Variants in RORA observed in about 807,000 individuals in gnomAD.
The protein encoded by RORA is nuclear receptor ROR-alpha.
A neutral mutation model predicts 69.5 loss-of-function variants in RORA; 7 were observed. The ratio of observed to expected loss-of-function variants is 0.10; its 90% CI spans 0.06 to 0.19. The LOEUF (loss-of-function observed/expected upper bound fraction) is 0.19, where lower values mean the gene tolerates loss of function less well. Among genes scored for constraint, RORA ranks in the 10% least tolerant of loss-of-function variants. RORA has a pLI of 1.00. For missense variants in RORA, 457 were observed against 663.0 expected (o/e 0.69, Z 3.41); for synonymous variants, 261 against 240.8 (o/e 1.08, Z -0.78).
chr15:60,548,233 A>C (rs907512251), intron 2 of RORA, among the ~76,000 whole-genome samples: 7 of 152,244 alleles, frequency 4.6e-5, no homozygotes, highest in Non-Finnish European at 8.8e-5. Flanking sequence ...CAGTAAAAGA[A>C]GACGACTTGA....
chr15:60,672,561 A>C (rs962261880), intron 2 of RORA, among the ~76,000 whole-genome samples: 1 of 152,208 alleles, frequency 6.6e-6, no homozygotes, highest in Non-Finnish European at 1.5e-5. Flanking sequence ...TTGATACTGG[A>C]GATAACGGTG....
rs148264753 is a variant in RORA at position 60,842,442 on chromosome 15, C to T, written c.167-163756G>A. Among the ~76,000 whole-genome samples the T allele has an allele frequency of 8.2e-4, 125 of 152,310 alleles. 1 individual carries two copies. The highest frequency in any genetic ancestry group is 3.1e-3 in the Admixed American group (47 of 15,304). On this transcript the variant is annotated intron_variant, in intron 1 of 10. Coordinates refer to ENST00000335670, the MANE Select transcript of RORA (RefSeq NM_134261.3). ...GCTACCATTTATGATTTATGGGCCA[C>T]TTAGTACACATCAGATACAGCGTTA...
In RORA at chr15:61,061,011, C is replaced by T. The variant is rs531755357; in HGVS notation, c.166+168042G>A. Among the ~76,000 whole-genome samples, 24 of 152,178 alleles carry T rather than the reference C, an allele frequency of 1.6e-4. No individual in the cohort carries two copies. Among genetic ancestry groups the T allele is most frequent in the African/African-American group, 5.1e-4 (21 of 41,432 alleles). ...AAAGCAGGTATCCTCAAAGTCCTCA[C>T]GGCTGAAGAAGGAGCTGCTGTTCTT... On this transcript the variant is annotated intron_variant, in intron 1 of 10. Coordinates refer to ENST00000335670, the MANE Select transcript of RORA (RefSeq NM_134261.3). The surrounding 1 kb of genome is among the most constrained non-coding windows in gnomAD (Gnocchi z 4.4).
intron 1 of RORA, among the ~76,000 whole-genome samples, chr15:61,024,744 C>G (rs1895715294): frequency 6.6e-6 from 1 of 152,070 alleles, no homozygotes; most frequent in African/African-American, 2.4e-5. Flanking sequence ...GCCACTGCAC[C>G]TGGTCCTGGC....
intron 1 of RORA, among the ~76,000 whole-genome samples, chr15:60,739,587 T>G (rs1460240615): frequency 1.3e-5 from 2 of 152,138 alleles, no homozygotes; most frequent in African/African-American, 4.8e-5. Context: ...AAAAAAGTTT[T>G]TTTTAAAGGA....
chr15:60,873,265 G>A (rs934093404), intron 1 of RORA, among the ~76,000 whole-genome samples: 1 of 150,564 alleles, frequency 6.6e-6, no homozygotes, highest in Non-Finnish European at 1.5e-5. Context: ...GTGTGTGTCT[G>A]TGTGTGTGTG....
chr15:60,801,351 G>A (rs1264029726), intron 1 of RORA, among the ~76,000 whole-genome samples: 1 of 152,156 alleles, frequency 6.6e-6, no homozygotes, highest in Non-Finnish European at 1.5e-5. Flanking sequence ...TATTATATAA[G>A]GAACGAATGC....
rs58929509 is a variant in RORA at position 60,859,380 on chromosome 15, C to CTGGGACCT, written c.167-180702_167-180695dup. Among the ~76,000 whole-genome samples the CTGGGACCT allele has an allele frequency of 7.9e-5, 12 of 151,578 alleles. No individual in the cohort carries two copies. The East Asian group carries it at 1.5e-3, about 20-fold the overall frequency. Reference sequence around the variant, plus strand: ...TATGGCTTAGCAGCATCAGCCTCACCTGGGACCTTGGGACCTTGGGACCTT... The same window carrying CTGGGACCT: ...TATGGCTTAGCAGCATCAGCCTCACCTGGGACCTTGGGACCTTGGGACCTTGGGACCTT... On this transcript the variant is annotated intron_variant, in intron 1 of 10. Coordinates refer to ENST00000335670, the MANE Select transcript of RORA (RefSeq NM_134261.3).
At chr15:60,771,362 C>A (rs924381606) in intron 1 of RORA, among the ~76,000 whole-genome samples, 2 of 152,200 alleles carry the variant, frequency 1.3e-5, no homozygotes, top group Non-Finnish European at 2.9e-5. Flanking sequence ...GTGGCCCATT[C>A]ATTGGTACAT....
Position 60,597,597 on chromosome 15 carries a change from C to CAT in RORA, c.197-65748_197-65747dup, listed in dbSNP as rs1213736725. Among the ~76,000 whole-genome samples the CAT allele has an allele frequency of 5.1e-3, 160 of 31,358 alleles. 21 individuals carry two copies. The highest frequency in any genetic ancestry group is 0.015 in the African/African-American group (124 of 8,498). 20.6% of individuals were successfully genotyped at this position (31,358 alleles called of 152,430 possible). A position where few individuals can be genotyped will look rare whatever the true frequency, so the allele number is the denominator to read the frequency against. The stretch of plus-strand genomic sequence containing the variant: ...ATACACATATATATATATATATACA[C>CAT]ATATATATATATATATATATACATA... On this transcript the variant is annotated intron_variant, in intron 2 of 10. Coordinates refer to ENST00000335670, the MANE Select transcript of RORA (RefSeq NM_134261.3).
At chr15:60,578,765 C>CTTTTTTTTTT (rs768047660) in intron 2 of RORA, among the ~76,000 whole-genome samples, 80 of 138,880 alleles carry the variant, frequency 5.8e-4, no homozygotes, top group South Asian at 1.4e-3. Flanking sequence ...TTAAATGAAA[C>CTTTTTTTTTT]TTTTTTTTTT....
chr15:60,616,932 A>G (rs1427395795), intron 2 of RORA, among the ~76,000 whole-genome samples: 1 of 152,214 alleles, frequency 6.6e-6, no homozygotes, highest in Non-Finnish European at 1.5e-5. Context: ...TACATTGAAG[A>G]AGACTTGATG....
intron 1 of RORA, among the ~76,000 whole-genome samples, chr15:61,046,974 G>A (rs1162849807): frequency 1.3e-5 from 2 of 152,208 alleles, no homozygotes; most frequent in Admixed American, 1.3e-4. Flanking sequence ...TCTTTTGCTC[G>A]AAATGGCTGC....
At chr15:60,527,979 G>T (rs974365715) in intron 3 of RORA, 3 of 152,328 alleles carry the variant, frequency 2.0e-5, no homozygotes, top group Non-Finnish European at 4.4e-5. Flanking sequence ...CCCACGGTTG[G>T]TTCCTCCTCA....
At chr15:60,621,822 C>A (rs1380479801) in intron 2 of RORA, among the ~76,000 whole-genome samples, 1 of 151,970 alleles carries the variant, frequency 6.6e-6, no homozygotes, top group African/African-American at 2.4e-5. Context: ...GCGAGGCAAG[C>A]AGATCACCTG....
intron 1 of RORA, among the ~76,000 whole-genome samples, chr15:61,102,958 T>C (rs867342347): frequency 1.3e-5 from 2 of 152,210 alleles, no homozygotes; most frequent in African/African-American, 4.8e-5. Flanking sequence ...TGAATGTCTC[T>C]TAATTTTGAA....
intron 1 of RORA, among the ~76,000 whole-genome samples, chr15:61,228,303 C>A (rs2080166896): frequency 6.6e-6 from 1 of 151,780 alleles, no homozygotes; most frequent in Non-Finnish European, 1.5e-5. Context: ...CCCCCGCCAG[C>A]CTGGGCGCCG....
chr15:61,164,573 G>A (rs1287714190), intron 1 of RORA, among the ~76,000 whole-genome samples: 2 of 152,154 alleles, frequency 1.3e-5, no homozygotes, highest in Non-Finnish European at 2.9e-5. Context: ...CTTTGTTCCT[G>A]TTGGGTAGAT....
chr15:60,675,614 CAA>C (rs1458914264), intron 2 of RORA, among the ~76,000 whole-genome samples: 1 of 152,160 alleles, frequency 6.6e-6, no homozygotes, highest in Non-Finnish European at 1.5e-5. Context: ...CTGAGTTCTC[CAA>C]AGACTATGTC....
Sources: allele counts gnomAD v4.1 joint callset (sites outside exome capture counted in the v4.1 genomes callset), GRCh38; gene constraint gnomAD v4.1.1; non-coding constraint Gnocchi (gnomAD v3.1); transcripts MANE v1.5; gene names NCBI Gene and HGNC (gene_info 2026-07-23, HGNC 2026-07-21).